Variants in VWDE observed in about 807,000 individuals in gnomAD.
VWDE encodes von Willebrand factor D and EGF domains, also known as von Willebrand factor D and EGF domain-containing protein.
In VWDE, 207 loss-of-function variants were observed where a neutral mutation model predicts 178.4. The observed-to-expected ratio is 1.16, with a 90% CI of 1.04 to 1.30. VWDE has a LOEUF of 1.30. Ranked by LOEUF, VWDE falls within the 50% of genes most tolerant of loss-of-function variation. The pLI, the probability that VWDE is intolerant of heterozygous loss-of-function variation, is 0.00. For missense variants in VWDE, 2,287 were observed against 1,901.3 expected, an observed-to-expected ratio of 1.20 and a Z score of -3.77; for synonymous variants, 738 against 651.4, an observed-to-expected ratio of 1.13 and a Z score of -2.02.
intron 22 of VWDE, among the ~76,000 whole-genome samples, chr7:12,342,733 C>T (rs939924564): frequency 6.6e-6 from 1 of 150,768 alleles, no homozygotes; most frequent in African/African-American, 2.4e-5. Flanking sequence ...GCACAATGTG[C>T]AGGTTAGTTA....
At chr7:12,372,948 T>C in intron 10 of VWDE, 29 bp downstream of exon 10, 1 of 1,532,858 alleles carries the variant, frequency 6.5e-7, no homozygotes, top group Non-Finnish European at 8.8e-7. Context: ...AAAGGAAAAA[T>C]ACTTTCAATG....
At chr7:12,331,280 C>A in intron 28 of VWDE, 83 bp from the exon 29 acceptor site, 1 of 1,161,220 alleles carries the variant, frequency 8.6e-7, no homozygotes, top group Non-Finnish European at 1.2e-6. Context: ...GCCTCCTTCC[C>A]TCTGACATGA....
At chr7:12,377,645 T>G (rs1333923558) in intron 7 of VWDE, 131 bp downstream of exon 7, 4 of 487,274 alleles carry the variant, frequency 8.2e-6, no homozygotes, top group Admixed American at 8.8e-5. Flanking sequence ...GTAATATGAT[T>G]GGGCTAAAAT....
At position 12,403,765 on chromosome 7, in the gene VWDE, G is replaced by A. The variant is rs560696911; in HGVS notation, c.-49C>T. On this transcript the variant is annotated 5_prime_UTR_variant, in exon 1 of 29. Coordinates refer to ENST00000275358, the MANE Select transcript of VWDE (RefSeq NM_001135924.3). ...AAGGCGTCGCAGAGCCCGGGCCGCG[G>A]GTGCCAGGAGGATGGGGCCACAGCA... 3.9e-6 allele frequency: 6 copies of A among 1,542,538 alleles called. No homozygotes were observed. The South Asian group carries it at 4.8e-5, about 12-fold the overall frequency.
chr7:12,357,710 G>A (rs1477513594), intron 16 of VWDE, among the ~76,000 whole-genome samples, 195 bp from the exon 17 acceptor site: 1 of 151,908 alleles, frequency 6.6e-6, no homozygotes, highest in East Asian at 1.9e-4. Context: ...GTAACTGACA[G>A]GTGCAAGACC....
chr7:12,340,404 A>T lies in VWDE; in HGVS notation c.4284T>A (p.Pro1428=), dbSNP rs1218591449. The T allele has an allele frequency of 1.3e-6, 2 of 1,550,996 alleles. No individual in the cohort carries two copies. The highest frequency in any genetic ancestry group is 1.4e-5 in the African/African-American group (1 of 73,042). ...TACACGAACCACCATTGAGGCAGAC[A>T]GGGTCGCACAAAGCTAATAAACAGC... The part of the protein sequence containing the change: ...GPTCSTALCD[P]VCLNGGSCNK... The change falls in exon 24 of 29, where the codon CCT becomes CCA. Residue 1428 remains proline, a synonymous_variant. Transcript: ENST00000275358.
chr7:12,377,890 C>T lies in VWDE; in HGVS notation c.910G>A (p.Asp304Asn), dbSNP rs1430922159. 3 of 1,513,350 alleles carry T rather than the reference C, an allele frequency of 2.0e-6. No homozygotes were observed. Among genetic ancestry groups the T allele is most frequent in the Admixed American group, 4.4e-5 (2 of 45,714 alleles). 93.7% of individuals were successfully genotyped at this position (1,513,350 alleles called of 1,614,324 possible). Residue 304 changes from aspartate to asparagine, a missense_variant, in exon 7 of 29, where the codon GAT (aspartate) becomes AAT (asparagine). Coordinates refer to ENST00000275358, the MANE Select transcript of VWDE (RefSeq NM_001135924.3). ...ATCCTCAGGTAGTATTCTTTCCCAT[C>T]CTCTGATATAGTGCTCAATTCAGGC... ...LQPELSTISE[D>N]GKEYYLRIES...
chr7:12,389,377 C>G lies in VWDE; in HGVS notation c.244-19G>C. ...GGTTCATCTTTTGCAGGAGAGAAAA[C>G]AAAAGTTGAAAATTCAGTTTATTTT... is the stretch of plus-strand genomic sequence containing the variant. On this transcript the variant is annotated intron_variant, in intron 2 of 28. Coordinates refer to ENST00000275358, the MANE Select transcript of VWDE (RefSeq NM_001135924.3). The G allele has an allele frequency of 6.6e-7, 1 of 1,512,036 alleles. No individual in the cohort carries two copies. Among genetic ancestry groups the G allele is most frequent in the Non-Finnish European group, 9.0e-7 (1 of 1,115,216 alleles). The allele number at this position is 1,512,036 out of a possible 1,614,324, so 93.7% of individuals were successfully genotyped here.
In VWDE at chr7:12,344,175, T is replaced by C. The variant is rs571375527; in HGVS notation, c.4078+20A>G. ...GCTATATTTTAGGCCTTATATTTGA[T>C]TTTTAATTTGAATTATCACCTTCAT... On this transcript the variant is annotated intron_variant, in intron 21 of 28. Coordinates refer to ENST00000275358, the MANE Select transcript of VWDE (RefSeq NM_001135924.3). The C allele has an allele frequency of 2.3e-4, 358 of 1,547,822 alleles. 3 individuals are homozygous for C. The South Asian group carries it at 3.8e-3, about 16-fold the overall frequency.
intron 3 of VWDE, among the ~76,000 whole-genome samples, chr7:12,385,499 T>C (rs1335900748): frequency 1.3e-5 from 2 of 152,200 alleles, no homozygotes; most frequent in Non-Finnish European, 2.9e-5. Flanking sequence ...TTTTATCCTG[T>C]CTAAATGCAG....
intron 19 of VWDE, among the ~76,000 whole-genome samples, chr7:12,346,609 T>G (rs1466416905): frequency 1.3e-5 from 2 of 151,632 alleles, no homozygotes; most frequent in Admixed American, 6.6e-5. Flanking sequence ...TTTACACATC[T>G]TTTTGGCGGG....
intron 28 of VWDE, among the ~76,000 whole-genome samples, chr7:12,332,868 C>T (rs1780801829): frequency 6.6e-6 from 1 of 151,980 alleles, no homozygotes; most frequent in South Asian, 2.1e-4. Flanking sequence ...TATTCATGAC[C>T]CTGGGGCATT....
chr7:12,335,212 G>A (rs993403937), intron 27 of VWDE, among the ~76,000 whole-genome samples: 1 of 151,838 alleles, frequency 6.6e-6, no homozygotes, highest in Admixed American at 6.6e-5. Context: ...TTAATCATTT[G>A]GAAATATTTT....
intron 1 of VWDE, among the ~76,000 whole-genome samples, chr7:12,402,779 C>T (rs1784966510): frequency 6.6e-6 from 1 of 151,564 alleles, no homozygotes; most frequent in South Asian, 2.1e-4. Flanking sequence ...TTTGTATTCC[C>T]CTTATACAAA....
intron 12 of VWDE, among the ~76,000 whole-genome samples, chr7:12,368,389 G>T (rs1476138699): frequency 6.6e-6 from 1 of 151,996 alleles, no homozygotes; most frequent in African/African-American, 2.4e-5. Flanking sequence ...AGGATTTTCT[G>T]ATAGTATGAC....
intron 1 of VWDE, among the ~76,000 whole-genome samples, chr7:12,401,826 C>T (rs566494362): frequency 6.6e-6 from 1 of 152,062 alleles, no homozygotes; most frequent in African/African-American, 2.4e-5. Flanking sequence ...TACATCCAAA[C>T]AAAACTTGTA....
Position 12,375,018 on chromosome 7 carries a change from T to G in VWDE, c.1234A>C (p.Ser412Arg). The G allele has an allele frequency of 6.4e-7, 1 of 1,551,048 alleles. No homozygotes were observed. The highest frequency in any genetic ancestry group is 8.7e-7 in the Non-Finnish European group (1 of 1,146,476). Residue 412 changes from serine (S) to arginine (R), a missense_variant, in exon 8 of 29, where the codon AGC (serine) becomes CGC (arginine). Transcript: ENST00000275358. ...DFLWNNYIPD[S>R]IQIKVKDVPT... Reference sequence around the variant, plus strand: ...TGTTGTAATTTGTCAACCTGGATGCTGTCTGGAATGTAGTTGTTCCACAGG... The same window carrying G: ...TGTTGTAATTTGTCAACCTGGATGCGGTCTGGAATGTAGTTGTTCCACAGG...
Position 12,342,131 on chromosome 7 carries a change from T to C in VWDE, c.4198A>G (p.Asn1400Asp), listed in dbSNP as rs1781367551. Residue 1400 changes from asparagine (N) to aspartate (D), a missense_variant, in exon 23 of 29, where the codon AAT becomes GAT. By Grantham distance (23) the Asn-to-Asp change is conservative. Coordinates refer to ENST00000275358, the MANE Select transcript of VWDE (RefSeq NM_001135924.3). The stretch of plus-strand genomic sequence containing the variant: ...TCTGGTGTAAGACACTGGCCTCCAT[T>C]TTCACAGTGCCTGTTACAAACCACT... ...ETMVCNRHCE[N>D]GGQCLTPDIC... is the part of the protein sequence containing the mutation. 2.6e-6 allele frequency: 4 copies of C among 1,551,388 alleles called. No homozygotes were observed. In the South Asian group the frequency reaches 3.6e-5, roughly 14 times the overall value.
chr7:12,374,706 T>C lies in VWDE; in HGVS notation c.1299A>G (p.Ile433Met), dbSNP rs1470511654. Residue 433 changes from isoleucine (I) to methionine (M), a missense_variant, in exon 9 of 29, where the codon ATA becomes ATG. By Grantham distance (10) the Ile-to-Met change is conservative. Transcript: ENST00000275358. ...AYCYTFTDPH[I>M]ITFDGRVYDN... ...AAAATTACCTGCCATCAAATGTAATTATATGTGGGTCAGTAAATGTATAGC... is the reference window on the plus strand; with the variant it reads ...AAAATTACCTGCCATCAAATGTAATCATATGTGGGTCAGTAAATGTATAGC... 8.5e-6 allele frequency: 13 copies of C among 1,536,396 alleles called. No individual in the cohort carries two copies. The highest frequency in any genetic ancestry group is 1.1e-5 in the Non-Finnish European group (12 of 1,141,436).
Sources: gnomAD v4.1 joint callset for allele counts (sites outside exome capture counted in the v4.1 genomes callset) on GRCh38, gnomAD v4.1.1 for gene constraint, MANE v1.5 for transcripts, NCBI Gene and HGNC (gene_info 2026-07-23, HGNC 2026-07-21) for gene names.